The following IMPA1 variants were observed in gnomAD, a reference collection of about 807,000 sequenced individuals.
IMPA1 encodes inositol monophosphatase 1, also known as D-galactose 1-phosphate phosphatase.
In IMPA1, 21 loss-of-function variants were observed where a neutral mutation model predicts 34.9. The observed-to-expected ratio is 0.60, with a 90% CI of 0.43 to 0.87. The LOEUF is 0.87. Ranked by LOEUF, IMPA1 falls within the 40% of genes least tolerant of loss-of-function variation. The probability of loss-of-function intolerance (pLI) is 0.00; values close to 1 mark genes in which losing one functional copy is unlikely to be tolerated. For missense variants in IMPA1, 299 were observed against 336.4 expected, an observed-to-expected ratio of 0.89 and a Z score of 0.87; for synonymous variants, 95 against 104.4, an observed-to-expected ratio of 0.91 and a Z score of 0.55.
At position 81,657,338 on chromosome 8, in the gene IMPA1, G is replaced by A. The variant is rs1806546135; in HGVS notation, c.*2013C>T. Among the ~76,000 whole-genome samples, 1 of 152,164 alleles carries A rather than the reference G, an allele frequency of 6.6e-6. No individual in the cohort carries two copies. Among genetic ancestry groups the A allele is most frequent in the African/African-American group, 2.4e-5 (1 of 41,430 alleles). ...GCAATGGCTCACATCTGTAATCCCAGCACTTTAGAAGGCTGAGGCAGGAGG... is the reference window on the plus strand; with the variant it reads ...GCAATGGCTCACATCTGTAATCCCAACACTTTAGAAGGCTGAGGCAGGAGG... On this transcript the variant is annotated 3_prime_UTR_variant, in exon 9 of 9. Coordinates refer to ENST00000256108, the MANE Select transcript of IMPA1 (RefSeq NM_005536.4).
intron 7 of IMPA1, among the ~76,000 whole-genome samples, chr8:81,666,228 G>T (rs1806816390): frequency 6.6e-6 from 1 of 151,918 alleles, no homozygotes; most frequent in South Asian, 2.1e-4. Flanking sequence ...AATATTAAAG[G>T]TACTATAAAA....
At chr8:81,677,417 C>T (rs987882673) in intron 4 of IMPA1, among the ~76,000 whole-genome samples, 3 of 152,066 alleles carry the variant, frequency 2.0e-5, no homozygotes, top group Non-Finnish European at 4.4e-5. Context: ...TTCCTATGTC[C>T]TACACCGTGA....
At chr8:81,681,253 T>C (rs1432038024) in intron 2 of IMPA1, among the ~76,000 whole-genome samples, 1 of 152,070 alleles carries the variant, frequency 6.6e-6, no homozygotes, top group East Asian at 1.9e-4. Context: ...TAGCTGGACA[T>C]GGTGGCTCAT....
intron 5 of IMPA1, chr8:81,674,578 C>G (rs1807077937): frequency 3.2e-6 from 1 of 313,018 alleles, no homozygotes. Context: ...ATACTTAATT[C>G]ACTACCTCCA....
At position 81,673,907 on chromosome 8, in the gene IMPA1, A is replaced by G; in HGVS notation, c.391T>C (p.Tyr131His). Residue 131 changes from tyrosine (Y) to histidine (H), a missense_variant, in exon 6 of 9, where the codon TAC becomes CAC. Coordinates refer to ENST00000256108, the MANE Select transcript of IMPA1 (RefSeq NM_005536.4). ...GCACCTTTTCCTTTTCTGGCAGTGT[A>G]CATCTTGCCTTCCACACAACTGTAC... ...VVYSCVEGKM[Y>H]TARKGKGAFC... 1 of 1,613,346 alleles carries G rather than the reference A, an allele frequency of 6.2e-7. No individual in the cohort carries two copies. Among genetic ancestry groups the G allele is most frequent in the Middle Eastern group, 1.7e-4 (1 of 6,060 alleles).
intron 2 of IMPA1, 89 bp from the exon 3 acceptor site, chr8:81,680,872 T>C: frequency 1.1e-6 from 1 of 928,228 alleles, no homozygotes. Context: ...ATTCAATCTG[T>C]CTTAAATAAT....
chr8:81,674,886 T>C, intron 5 of IMPA1: 1 of 447,158 alleles, frequency 2.2e-6, no homozygotes, highest in South Asian at 1.6e-5. Flanking sequence ...CACCTCCCAT[T>C]CCTTCCCCAT....
At chr8:81,682,280 C>T (rs568585023) in intron 1 of IMPA1, among the ~76,000 whole-genome samples, 6 of 152,230 alleles carry the variant, frequency 3.9e-5, no homozygotes, top group East Asian at 1.9e-4. Flanking sequence ...AATAACTCAC[C>T]ACTGGCTTGA....
intron 4 of IMPA1, among the ~76,000 whole-genome samples, chr8:81,677,086 A>G (rs1274916076): frequency 1.3e-5 from 2 of 152,030 alleles, no homozygotes; most frequent in Non-Finnish European, 2.9e-5. Flanking sequence ...TAAAAAGCAT[A>G]TATTTTAGTG....
intron 6 of IMPA1, 121 bp downstream of exon 6, chr8:81,673,720 A>T (rs1262387124): frequency 9.7e-6 from 6 of 621,566 alleles, no homozygotes; most frequent in Non-Finnish European, 1.4e-5. Context: ...AAGAATAAAG[A>T]GATAATAAAC....
At chr8:81,664,457 AC>A (rs1806765290) in intron 7 of IMPA1, among the ~76,000 whole-genome samples, 1 of 152,250 alleles carries the variant, frequency 6.6e-6, no homozygotes, top group Non-Finnish European at 1.5e-5. Context: ...GTGAGAAAGA[AC>A]AAGGAGGAGC....
At chr8:81,676,995 A>T (rs1257691130) in intron 4 of IMPA1, among the ~76,000 whole-genome samples, 2 of 150,834 alleles carry the variant, frequency 1.3e-5, no homozygotes, top group Non-Finnish European at 1.5e-5. Flanking sequence ...GTCCCCCTTT[A>T]AAAAAAAAGC....
chr8:81,682,271 A>G (rs147349837), intron 1 of IMPA1, among the ~76,000 whole-genome samples: 3 of 152,336 alleles, frequency 2.0e-5, no homozygotes, highest in African/African-American at 7.2e-5. Context: ...GAAGACTAAA[A>G]TAACTCACCA....
chr8:81,675,254 C>A (rs1292437896), intron 5 of IMPA1, among the ~76,000 whole-genome samples: 1 of 151,258 alleles, frequency 6.6e-6, no homozygotes, highest in Non-Finnish European at 1.5e-5. Flanking sequence ...CACCACCCCC[C>A]CACCCCCGCC....
chr8:81,675,717 A>G (rs1047418258), intron 5 of IMPA1, among the ~76,000 whole-genome samples: 1 of 152,240 alleles, frequency 6.6e-6, no homozygotes, highest in Non-Finnish European at 1.5e-5. Flanking sequence ...ACAGCAAGGA[A>G]ATGCTATAGC....
At chr8:81,661,001 T>C (rs1806657667) in intron 7 of IMPA1, among the ~76,000 whole-genome samples, 1 of 152,204 alleles carries the variant, frequency 6.6e-6, no homozygotes, top group Non-Finnish European at 1.5e-5. Flanking sequence ...CTAAAGCTTA[T>C]ATTATTTTAC....
In IMPA1 at chr8:81,659,211, A is replaced by T. The variant is rs1806594747; in HGVS notation, c.*140T>A. ...AATTCTTGCAAACCTAGACATAGTA[A>T]AATAAGAAACAAGTTCCAAATTTTT... On this transcript the variant is annotated 3_prime_UTR_variant, in exon 9 of 9. Coordinates refer to ENST00000256108, the MANE Select transcript of IMPA1 (RefSeq NM_005536.4). 3.1e-6 allele frequency: 2 copies of T among 655,700 alleles called. No homozygotes were observed. The highest frequency in any genetic ancestry group is 5.9e-5 in the Admixed American group (2 of 34,024). 40.6% of individuals were successfully genotyped at this position (655,700 alleles called of 1,614,324 possible). A position where few individuals can be genotyped will look rare whatever the true frequency, so the allele number is the denominator to read the frequency against.
intron 5 of IMPA1, chr8:81,674,555 C>T (rs1807077418): frequency 3.4e-6 from 1 of 295,274 alleles, no homozygotes; most frequent in Non-Finnish European, 6.7e-6. Context: ...TCTACTGGCT[C>T]AAGACTTATT....
chr8:81,669,637 C>A (rs775382507), intron 7 of IMPA1, among the ~76,000 whole-genome samples: 1 of 152,146 alleles, frequency 6.6e-6, no homozygotes, highest in East Asian at 1.9e-4. Context: ...CACAGGCTCA[C>A]AAATGAGACT....
Sources: gnomAD v4.1 joint callset for allele counts (sites outside exome capture counted in the v4.1 genomes callset) on GRCh38, gnomAD v4.1.1 for gene constraint, MANE v1.5 for transcripts, NCBI Gene and HGNC (gene_info 2026-07-23, HGNC 2026-07-21) for gene names.